Variants in WBP1L observed in about 807,000 individuals in gnomAD.
WBP1L encodes WW domain binding protein 1 like.
In WBP1L, 17 loss-of-function variants were observed where a neutral mutation model predicts 33.7. The ratio of observed to expected loss-of-function variants is 0.50; its 90% CI spans 0.34 to 0.76. The LOEUF (loss-of-function observed/expected upper bound fraction) is 0.76. Among genes scored for constraint, WBP1L ranks in the 30% least tolerant of loss-of-function variants. The pLI is 0.01. For missense variants in WBP1L, 389 were observed against 469.4 expected (o/e 0.83, Z 1.58); for synonymous variants, 173 against 190.8 (o/e 0.91, Z 0.77).
At chr10:102,745,562 G>A (rs1179241745) in intron 1 of WBP1L, among the ~76,000 whole-genome samples, 1 of 152,156 alleles carries the variant, frequency 6.6e-6, no homozygotes, top group Non-Finnish European at 1.5e-5. Flanking sequence ...ACAATATGTG[G>A]TCTTTGTGCC....
At chr10:102,809,105 G>A (rs1196135443) in intron 2 of WBP1L, among the ~76,000 whole-genome samples, 2 of 152,156 alleles carry the variant, frequency 1.3e-5, no homozygotes, top group African/African-American at 4.8e-5. Flanking sequence ...GTTTTGTGAC[G>A]GTGTCTTGCT....
At position 102,813,124 on chromosome 10, in the gene WBP1L, T is replaced by C. The variant is rs17115061; in HGVS notation, c.885T>C (p.Asp295=). The C allele has an allele frequency of 0.026, 42,498 of 1,613,960 alleles. 1,252 individuals are homozygous for C. The highest frequency in any genetic ancestry group is 0.11 in the South Asian group (10,294 of 91,074). Residue 295 remains aspartate, a synonymous_variant, in exon 4 of 4, where the codon GAT becomes GAC. Coordinates refer to ENST00000448841, the MANE Select transcript of WBP1L (RefSeq NM_001083913.2). ...DDLKEFNTLI[D]DALDGPLDFC... The stretch of plus-strand genomic sequence containing the variant: ...TCAAAGAGTTCAACACACTCATCGA[T>C]GATGCTCTGGATGGGCCCCTGGACT...
intron 1 of WBP1L, among the ~76,000 whole-genome samples, chr10:102,761,452 A>G (rs1304922395): frequency 7.0e-6 from 1 of 142,866 alleles, no homozygotes; most frequent in African/African-American, 2.6e-5. Context: ...AAATTTTTTT[A>G]TGTTTAATTT....
rs1843912649 is a variant in WBP1L, at chr10:102,815,082, C to A, written c.*1751C>A. Reference sequence around the variant, plus strand: ...TTTCCTGTGAAGATACTTTGAGTGGCAGCCATTCTCTCCACGTGAACCACA... The same window carrying A: ...TTTCCTGTGAAGATACTTTGAGTGGAAGCCATTCTCTCCACGTGAACCACA... On this transcript the variant is annotated 3_prime_UTR_variant, in exon 4 of 4. Transcript: ENST00000448841. 6.6e-6 allele frequency: 1 copy of A among 152,532 alleles called. No individual in the cohort carries two copies. The highest frequency in any genetic ancestry group is 2.4e-5 in the African/African-American group (1 of 41,402). 9.4% of individuals were successfully genotyped at this position (152,532 alleles called of 1,614,324 possible). A position where few individuals can be genotyped will look rare whatever the true frequency, so the allele number is the denominator to read the frequency against.
At chr10:102,761,392 G>A (rs534292462) in intron 1 of WBP1L, among the ~76,000 whole-genome samples, 23 of 151,526 alleles carry the variant, frequency 1.5e-4, no homozygotes, top group African/African-American at 5.6e-4. Context: ...TGCCTGCCTC[G>A]GCCTCCCAAA....
intron 1 of WBP1L, among the ~76,000 whole-genome samples, chr10:102,779,788 C>G (rs1315172625): frequency 1.3e-5 from 2 of 152,188 alleles, no homozygotes; most frequent in Non-Finnish European, 2.9e-5. Context: ...CGCCCAGGGA[C>G]TGGGAGAGCA....
intron 1 of WBP1L, among the ~76,000 whole-genome samples, chr10:102,786,884 T>C (rs1366487127): frequency 6.6e-6 from 1 of 152,212 alleles, no homozygotes. Flanking sequence ...GTCTTTGGCT[T>C]TACTCTTTAG....
At chr10:102,759,054 GT>G (rs1462053614) in intron 1 of WBP1L, among the ~76,000 whole-genome samples, 3 of 152,194 alleles carry the variant, frequency 2.0e-5, no homozygotes, top group Non-Finnish European at 4.4e-5. Context: ...ACAGGGAGGG[GT>G]TTAGGACTCC....
At chr10:102,802,240 CA>C (rs1315814700) in intron 2 of WBP1L, among the ~76,000 whole-genome samples, 1 of 149,118 alleles carries the variant, frequency 6.7e-6, no homozygotes, top group East Asian at 2.0e-4. Context: ...CTCCTGGACT[CA>C]AGGGATCCTC....
At chr10:102,786,811 C>G (rs1488295009) in intron 1 of WBP1L, among the ~76,000 whole-genome samples, 1 of 152,180 alleles carries the variant, frequency 6.6e-6, no homozygotes, top group African/African-American at 2.4e-5. Flanking sequence ...ACTGTGGGCT[C>G]ATCTTGAAGC....
chr10:102,809,314 G>C (rs1002299797), intron 2 of WBP1L, among the ~76,000 whole-genome samples: 1 of 151,902 alleles, frequency 6.6e-6, no homozygotes, highest in African/African-American at 2.4e-5. Flanking sequence ...CTGACCTCAG[G>C]TGATCTGCAC....
chr10:102,781,606 A>G lies in WBP1L; in HGVS notation c.91-16387A>G, dbSNP rs938177721. On this transcript the variant is annotated intron_variant, in intron 1 of 3. Coordinates refer to ENST00000448841, the MANE Select transcript of WBP1L (RefSeq NM_001083913.2). ...AGCAGAGGACCGAATGTTGACTACC[A>G]GTTGCTGTTACCCTCGGGCCCAACC... Among the ~76,000 whole-genome samples, 3 of 152,078 alleles carry G rather than the reference A, an allele frequency of 2.0e-5. No individual in the cohort carries two copies. In the East Asian group the frequency reaches 5.8e-4, roughly 29 times the overall value.
chr10:102,768,111 C>T (rs1843135774), intron 1 of WBP1L, among the ~76,000 whole-genome samples: 2 of 152,148 alleles, frequency 1.3e-5, no homozygotes, highest in African/African-American at 4.8e-5. Flanking sequence ...TGCTCTGTTG[C>T]CCAGGCTGAC....
At chr10:102,771,153 A>G (rs922953274) in intron 1 of WBP1L, among the ~76,000 whole-genome samples, 7 of 152,354 alleles carry the variant, frequency 4.6e-5, no homozygotes, top group Admixed American at 1.3e-4. Context: ...TAAAGATTAT[A>G]AATATATAGA....
chr10:102,810,542 C>T (rs1843821026), intron 3 of WBP1L, among the ~76,000 whole-genome samples: 1 of 131,966 alleles, frequency 7.6e-6, no homozygotes, highest in African/African-American at 2.9e-5. Flanking sequence ...TCCATCCTCC[C>T]TCCCTCTCTC....
At chr10:102,745,708 A>T (rs1411959730) in intron 1 of WBP1L, among the ~76,000 whole-genome samples, 2 of 152,110 alleles carry the variant, frequency 1.3e-5, no homozygotes, top group Non-Finnish European at 2.9e-5. Flanking sequence ...GAAGTGTCTA[A>T]TTTTTCCTCA....
At chr10:102,798,532 C>T (rs931415945) in intron 2 of WBP1L, among the ~76,000 whole-genome samples, 2 of 152,148 alleles carry the variant, frequency 1.3e-5, no homozygotes, top group Non-Finnish European at 2.9e-5. Context: ...TCAACTGATT[C>T]TCCTCCCTCA....
chr10:102,796,551 C>T (rs1402197702), intron 1 of WBP1L, among the ~76,000 whole-genome samples: 2 of 152,190 alleles, frequency 1.3e-5, no homozygotes, highest in Non-Finnish European at 2.9e-5. Context: ...CATGTGACTT[C>T]AGTTTCCACT....
intron 1 of WBP1L, among the ~76,000 whole-genome samples, chr10:102,768,635 C>T (rs57182191): frequency 4.9e-5 from 2 of 40,404 alleles, no homozygotes; most frequent in African/African-American, 2.6e-4. Context: ...ATGATCCACC[C>T]GCCTCGGCCT....
Sources: gnomAD v4.1 joint callset for allele counts (sites outside exome capture counted in the v4.1 genomes callset) on GRCh38, gnomAD v4.1.1 for gene constraint, MANE v1.5 for transcripts, NCBI Gene and HGNC (gene_info 2026-07-23, HGNC 2026-07-21) for gene names.